The following CHD9 variants were observed in gnomAD, a reference collection of about 807,000 sequenced individuals.
The protein encoded by CHD9 is ATP-dependent chromatin remodeler CHD9.
Under a neutral mutation model 316.1 loss-of-function variants are expected in CHD9, and 77 were observed. The ratio of observed to expected loss-of-function variants is 0.24; its 90% CI spans 0.20 to 0.29. CHD9 has a LOEUF of 0.29. CHD9 is among the 10% of genes least tolerant of loss of function. The probability of loss-of-function intolerance (pLI) is 1.00; values close to 1 mark genes in which losing one functional copy is unlikely to be tolerated. For missense variants in CHD9, 2,763 were observed against 3,438.1 expected (o/e 0.80, Z 4.91); for synonymous variants, 1,129 against 1,158.3 (o/e 0.97, Z 0.51).
intron 1 of CHD9, among the ~76,000 whole-genome samples, chr16:53,107,646 C>T (rs1175058933): frequency 6.6e-6 from 1 of 151,472 alleles, no homozygotes; most frequent in Non-Finnish European, 1.5e-5. Context: ...GGCACCACTG[C>T]ACTGCAGCCT....
chr16:53,194,931 G>A (rs1293358211), intron 2 of CHD9, among the ~76,000 whole-genome samples: 2 of 152,162 alleles, frequency 1.3e-5, no homozygotes, highest in East Asian at 1.9e-4. Flanking sequence ...TGTTTTTAGT[G>A]TCAAGACATT....
Position 53,321,533 on chromosome 16 carries a change from G to T in CHD9, c.7721G>T (p.Gly2574Val). The T allele has an allele frequency of 6.5e-7, 1 of 1,539,762 alleles. No individual in the cohort carries two copies. The highest frequency in any genetic ancestry group is 1.2e-5 in the South Asian group (1 of 80,724). Residue 2574 changes from glycine to valine, a missense_variant, in exon 38 of 39, where the codon GGT becomes GTT. By Grantham distance (109) the Gly-to-Val change is moderately radical. Transcript: ENST00000447540. ...INRRNARKVGGAFAPPLKDLC... is the reference protein window; with the variant it reads ...INRRNARKVGVAFAPPLKDLC... Reference sequence around the variant, plus strand: ...TCTGTTTCTAATTTACAGGTTGGAGGTGCATTTGCTCCCCCTTTGAAAGAT... The same window carrying T: ...TCTGTTTCTAATTTACAGGTTGGAGTTGCATTTGCTCCCCCTTTGAAAGAT...
chr16:53,083,146 G>A (rs2035175692), intron 1 of CHD9, among the ~76,000 whole-genome samples: 1 of 152,218 alleles, frequency 6.6e-6, no homozygotes, highest in African/African-American at 2.4e-5. Flanking sequence ...CCCCATAGGA[G>A]GGTATTGTAT....
chr16:53,156,497 A>G lies in CHD9; in HGVS notation c.408A>G (p.Gln136=). 1.9e-6 allele frequency: 3 copies of G among 1,613,990 alleles called. No homozygotes were observed. The highest frequency in any genetic ancestry group is 2.5e-6 in the Non-Finnish European group (3 of 1,179,888). The change falls in exon 2 of 39, where the codon CAA becomes CAG. Residue 136 remains glutamine (Q), a synonymous_variant. Transcript: ENST00000447540. ...AGACAGCTACTACCATTTCAAATCAAAATGGATCTCCTTTTCACCAACAAG... is the reference window on the plus strand; with the variant it reads ...AGACAGCTACTACCATTTCAAATCAGAATGGATCTCCTTTTCACCAACAAG... ...GHQTATTISN[Q]NGSPFHQQGH...
chr16:53,293,103 A>T, intron 29 of CHD9, 51 bp downstream of exon 29: 1 of 1,456,344 alleles, frequency 6.9e-7, no homozygotes, highest in Non-Finnish European at 9.4e-7. Context: ...GTAGCTGTTC[A>T]TTCTAAAGCC....
chr16:53,082,278 T>G (rs2035097638), intron 1 of CHD9, among the ~76,000 whole-genome samples: 2 of 151,912 alleles, frequency 1.3e-5, no homozygotes, highest in Non-Finnish European at 2.9e-5. Flanking sequence ...TGCCCTGTCA[T>G]CCATGCTGGA....
intron 2 of CHD9, among the ~76,000 whole-genome samples, chr16:53,193,405 C>T (rs978374887): frequency 1.3e-5 from 2 of 151,994 alleles, no homozygotes; most frequent in African/African-American, 2.4e-5. Flanking sequence ...GCCGAGATCA[C>T]GCCACTGCAC....
chr16:53,176,233 G>A (rs968881816), intron 2 of CHD9, among the ~76,000 whole-genome samples: 1 of 152,186 alleles, frequency 6.6e-6, no homozygotes, highest in Non-Finnish European at 1.5e-5. Flanking sequence ...ACATTCTGTG[G>A]CTTGTGGCAC....
chr16:53,055,418 C>T (rs1184099924), intron 1 of CHD9, among the ~76,000 whole-genome samples: 1 of 152,008 alleles, frequency 6.6e-6, no homozygotes, highest in Non-Finnish European at 1.5e-5. Flanking sequence ...TCCAGAGCAC[C>T]ACTTCTTAAA....
At chr16:53,115,140 T>C (rs1376192411) in intron 1 of CHD9, among the ~76,000 whole-genome samples, 1 of 152,216 alleles carries the variant, frequency 6.6e-6, no homozygotes, top group Non-Finnish European at 1.5e-5. Context: ...GGTTTGTGCC[T>C]AAGGCTGCCT....
chr16:53,226,653 T>G, intron 5 of CHD9, 141 bp downstream of exon 5: 1 of 912,362 alleles, frequency 1.1e-6, no homozygotes, highest in Non-Finnish European at 1.6e-6. Context: ...GTCATTCAAA[T>G]TAGAAACCTA....
chr16:53,245,733 A>G lies in CHD9; in HGVS notation c.3337A>G (p.Ile1113Val). 1 of 1,611,634 alleles carries G rather than the reference A, an allele frequency of 6.2e-7. No individual in the cohort carries two copies. Among genetic ancestry groups the G allele is most frequent in the Non-Finnish European group, 8.5e-7 (1 of 1,179,166 alleles). ...TATTCAAAAGAAATACTACCGGGCT[A>G]TCTTGGAAAAGAACTTTTCTTTTTT... ...TNIQKKYYRA[I>V]LEKNFSFLSK... Residue 1113 changes from isoleucine (I) to valine (V), a missense_variant, in exon 15 of 39, where the codon ATC becomes GTC. Transcript: ENST00000447540. This position sits in a 1 kb window ranked among gnomAD's most constrained non-coding sequence, Gnocchi z 4.1.
At chr16:53,227,886 C>T (rs1341426067) in intron 7 of CHD9, among the ~76,000 whole-genome samples, 1 of 151,904 alleles carries the variant, frequency 6.6e-6, no homozygotes, top group Non-Finnish European at 1.5e-5. Context: ...GAGATCGAGA[C>T]CATCCTGGCC....
chr16:53,226,659 A>G (rs1465370890), intron 5 of CHD9, 147 bp downstream of exon 5: 30 of 855,794 alleles, frequency 3.5e-5, no homozygotes, highest in Non-Finnish European at 5.2e-5. Context: ...CAAATTAGAA[A>G]CCTAGGGATT....
chr16:53,112,001 G>A (rs1226033495), intron 1 of CHD9, among the ~76,000 whole-genome samples: 1 of 152,204 alleles, frequency 6.6e-6, no homozygotes, highest in Non-Finnish European at 1.5e-5. Flanking sequence ...ACTAAGTCTA[G>A]GTGAGGTTAA....
At chr16:53,200,010 T>G (rs1033644411) in intron 2 of CHD9, among the ~76,000 whole-genome samples, 1 of 151,588 alleles carries the variant, frequency 6.6e-6, no homozygotes, top group South Asian at 2.1e-4. Context: ...CCGAGGCGGG[T>G]GGGTCACCTG....
intron 34 of CHD9, among the ~76,000 whole-genome samples, chr16:53,310,127 A>G (rs2056337152): frequency 6.6e-6 from 1 of 152,232 alleles, no homozygotes; most frequent in South Asian, 2.1e-4. Context: ...CATCAGCATC[A>G]GTTTGGTCTC....
chr16:53,300,080 G>A (rs543908870), intron 30 of CHD9, among the ~76,000 whole-genome samples: 1 of 152,192 alleles, frequency 6.6e-6, no homozygotes, highest in African/African-American at 2.4e-5. Flanking sequence ...TGTGGCCAGC[G>A]CAGTGGCTCA....
chr16:53,313,026 A>T (rs906710917), intron 34 of CHD9, among the ~76,000 whole-genome samples: 1 of 152,230 alleles, frequency 6.6e-6, no homozygotes, highest in Non-Finnish European at 1.5e-5. Context: ...TTGAACCATC[A>T]TACTGCATAG....
Sources: allele counts gnomAD v4.1 joint callset (sites outside exome capture counted in the v4.1 genomes callset), GRCh38; gene constraint gnomAD v4.1.1; non-coding constraint Gnocchi (gnomAD v3.1); transcripts MANE v1.5; gene names NCBI Gene and HGNC (gene_info 2026-07-23, HGNC 2026-07-21).